The following ENPP2 variants were observed in gnomAD, a reference collection of about 807,000 sequenced individuals.
ENPP2 encodes ectonucleotide pyrophosphatase/phosphodiesterase 2.
In ENPP2, 51 loss-of-function variants were observed where a neutral mutation model predicts 120.2. That is an observed-to-expected ratio of 0.42 (90% CI 0.34 to 0.54). The LOEUF is 0.54. Among genes scored for constraint, ENPP2 ranks in the 20% least tolerant of loss-of-function variants. ENPP2 has a pLI of 0.04. For missense variants in ENPP2, 920 were observed against 1,066.5 expected (o/e 0.86, Z 1.91); for synonymous variants, 365 against 366.4 (o/e 1.00, Z 0.04).
At chr8:119,594,030 G>A (rs1446605621) in intron 11 of ENPP2, among the ~76,000 whole-genome samples, 170 bp from the exon 12 acceptor site, 2 of 152,120 alleles carry the variant, frequency 1.3e-5, no homozygotes, top group African/African-American at 2.4e-5. Flanking sequence ...GTCTAAGCAC[G>A]TTATATTTGT....
At chr8:119,635,281 C>T (rs528429808) in intron 2 of ENPP2, among the ~76,000 whole-genome samples, 1 of 152,226 alleles carries the variant, frequency 6.6e-6, no homozygotes, top group African/African-American at 2.4e-5. Flanking sequence ...TACTTTTCAA[C>T]TTTCCTTTCA....
At chr8:119,664,797 C>T (rs997650897) in intron 1 of ENPP2, among the ~76,000 whole-genome samples, 6 of 152,056 alleles carry the variant, frequency 3.9e-5, no homozygotes, top group African/African-American at 1.2e-4. Context: ...AAAAAATAGC[C>T]GGGTGTGGTG....
At position 119,616,278 on chromosome 8, in the gene ENPP2, C is replaced by T; in HGVS notation, c.764G>A (p.Trp255Ter). The T allele has an allele frequency of 1.2e-6, 2 of 1,604,352 alleles. No homozygotes were observed. The highest frequency in any genetic ancestry group is 8.5e-7 in the Non-Finnish European group (1 of 1,173,182). ...TGCAAAACTTACCGGTTGACCTCCC[C>T]ACCATCTATGATTAAATTTCTCTCG... ...RGREKFNHRWWGGQPLWITAT... is the reference protein window; with the variant it reads ...RGREKFNHRW The change falls in exon 8 of 25, where the codon TGG becomes TAG. Residue 255 changes from tryptophan to a stop codon, truncating the protein, a stop_gained. Coordinates refer to ENST00000075322, the MANE Select transcript of ENPP2 (RefSeq NM_001040092.3). LOFTEE classifies it high-confidence loss of function.
At chr8:119,643,249 T>C (rs972549674), upstream of ENPP2, among the ~76,000 whole-genome samples, 2 of 152,206 alleles carry the variant, frequency 1.3e-5, no homozygotes, top group Non-Finnish European at 2.9e-5. Context: ...AAGGATTTAC[T>C]AGTCTAAACT....
chr8:119,564,682 A>AT, intron 23 of ENPP2, 141 bp downstream of exon 23: 2 of 339,128 alleles, frequency 5.9e-6, no homozygotes, highest in African/African-American at 2.1e-5. Context: ...CGTCTCAAAA[A>AT]AATATATATA....
Position 119,566,678 on chromosome 8 carries a change from C to T in ENPP2, c.2131+1497G>A, listed in dbSNP as rs532870258. ...CAAGCTCTCTATGAAAGGCCTTCTC[C>T]ACACCAGCCTCAGGGTGGTACTGTG... On this transcript the variant is annotated intron_variant, in intron 22 of 24. Coordinates refer to ENST00000075322, the MANE Select transcript of ENPP2 (RefSeq NM_001040092.3). 5.3e-5 allele frequency among the ~76,000 whole-genome samples: 8 copies of T among 152,280 alleles called. No individual in the cohort carries two copies. In the South Asian group the frequency reaches 1.7e-3, roughly 32 times the overall value.
intron 8 of ENPP2, among the ~76,000 whole-genome samples, chr8:119,613,041 C>A (rs1815222187): frequency 6.6e-6 from 1 of 152,130 alleles, no homozygotes; most frequent in East Asian, 1.9e-4. Context: ...CCTAGGAATC[C>A]CATTCATTCC....
chr8:119,567,640 G>A (rs16892776), intron 22 of ENPP2, among the ~76,000 whole-genome samples: 12 of 152,132 alleles, frequency 7.9e-5, no homozygotes, highest in Admixed American at 2.6e-4. Flanking sequence ...GATTCAGAAG[G>A]TCCTTTCGGC....
intron 8 of ENPP2, among the ~76,000 whole-genome samples, chr8:119,613,132 G>A (rs1008429132): frequency 3.3e-5 from 5 of 152,092 alleles, no homozygotes; most frequent in African/African-American, 7.2e-5. Context: ...TTGCAGGACC[G>A]TAGCAGAGAG....
intron 12 of ENPP2, 57 bp downstream of exon 12, chr8:119,593,695 A>G (rs1813694325): frequency 4.6e-6 from 5 of 1,082,590 alleles, no homozygotes; most frequent in Non-Finnish European, 1.4e-6. Context: ...CTTTTCCTCA[A>G]TATGATCAGA....
In ENPP2 at chr8:119,582,453, G is replaced by C; in HGVS notation, c.1693C>G (p.Leu565Val). Reference sequence around the variant, plus strand: ...ACCTTATCATCACAAGTGCAGCCCAGGTCAAAATCAGACTGAAGGTACATA... The same window carrying C: ...ACCTTATCATCACAAGTGCAGCCCACGTCAAAATCAGACTGAAGGTACATA... ...GIMYLQSDFD[L>V]GCTCDDKVEP... The change falls in exon 18 of 25, where the codon CTG becomes GTG. Residue 565 changes from leucine (L) to valine (V), a missense_variant. Leu to Val is a conservative substitution (Grantham distance 32, BLOSUM62 1). Coordinates refer to ENST00000075322, the MANE Select transcript of ENPP2 (RefSeq NM_001040092.3). The C allele has an allele frequency of 6.2e-7, 1 of 1,614,000 alleles. No individual in the cohort carries two copies.
chr8:119,647,869 G>A (rs529981757), intron 1 of ENPP2, among the ~76,000 whole-genome samples: 14 of 152,312 alleles, frequency 9.2e-5, no homozygotes, highest in African/African-American at 3.4e-4. Flanking sequence ...GCTGGGCATG[G>A]TGGTGGGCGC....
chr8:119,633,662 A>G (rs1816818791), intron 2 of ENPP2, among the ~76,000 whole-genome samples: 1 of 151,874 alleles, frequency 6.6e-6, no homozygotes, highest in Non-Finnish European at 1.5e-5. Flanking sequence ...GCCATTTTTT[A>G]TTGATGCTTC....
At chr8:119,561,547 G>T (rs186062960) in intron 24 of ENPP2, among the ~76,000 whole-genome samples, 1 of 152,186 alleles carries the variant, frequency 6.6e-6, no homozygotes, top group Admixed American at 6.5e-5. Flanking sequence ...AGGACCTGAA[G>T]GTTTTTCCAT....
At chr8:119,669,484 G>A (rs1214466174) in intron 1 of ENPP2, among the ~76,000 whole-genome samples, 4 of 152,206 alleles carry the variant, frequency 2.6e-5, no homozygotes, top group African/African-American at 7.2e-5. Context: ...CCCAGGTCCT[G>A]TGACTCCAAG....
chr8:119,624,952 C>T (rs1328352225), intron 3 of ENPP2, among the ~76,000 whole-genome samples: 2 of 152,074 alleles, frequency 1.3e-5, no homozygotes, highest in African/African-American at 4.8e-5. Flanking sequence ...TATCTTTGTA[C>T]ACAGGGAAAT....
At position 119,638,776 on chromosome 8, in the gene ENPP2, G is replaced by T; in HGVS notation, c.5C>A (p.Ala2Glu). 6.2e-7 allele frequency: 1 copy of T among 1,611,330 alleles called. No homozygotes were observed. The highest frequency in any genetic ancestry group is 1.1e-5 in the South Asian group (1 of 91,032). MARRSSFQSCQI... is the reference protein window; with the variant it reads MERRSSFQSCQI... ...ACACGACTGGAACGAGCTCCTCCTT[G>T]CCATGTCGAGGATTCTTGGAAAGCC... Residue 2 changes from alanine (A) to glutamate (E), a missense_variant, in exon 1 of 25, where the codon GCA (alanine) becomes GAA (glutamate). Ala to Glu is a moderately radical substitution (Grantham distance 107). Coordinates refer to ENST00000075322, the MANE Select transcript of ENPP2 (RefSeq NM_001040092.3).
chr8:119,643,475 C>T (rs1458493348), upstream of ENPP2, among the ~76,000 whole-genome samples: 1 of 152,168 alleles, frequency 6.6e-6, no homozygotes, highest in Non-Finnish European at 1.5e-5. Context: ...GTTACACAGT[C>T]GAAAGCTGAC....
chr8:119,588,528 CAAAAAAAAAA>C (rs58771451), intron 13 of ENPP2, among the ~76,000 whole-genome samples: 29 of 68,170 alleles, frequency 4.3e-4, no homozygotes, highest in East Asian at 8.3e-4. Context: ...AACTCCGCCT[CAAAAAAAAAA>C]AAAAAAAAAA....
Sources: gnomAD v4.1 joint callset for allele counts (sites outside exome capture counted in the v4.1 genomes callset) on GRCh38, gnomAD v4.1.1 for gene constraint, MANE v1.5 for transcripts, NCBI Gene and HGNC (gene_info 2026-07-23, HGNC 2026-07-21) for gene names.